Variants in ZNF571 observed in about 807,000 individuals in gnomAD.
The protein encoded by ZNF571 is zinc finger protein 571.
A neutral mutation model predicts 7.7 loss-of-function variants in ZNF571; 4 were observed. The ratio of observed to expected loss-of-function variants is 0.52; its 90% CI spans 0.25 to 1.18. ZNF571 has a LOEUF of 1.18. Among genes scored for constraint, ZNF571 ranks in the 50% most tolerant of loss-of-function variants. The pLI, the probability that ZNF571 is intolerant of heterozygous loss-of-function variation, is 0.14. For synonymous variants in ZNF571, 251 were observed against 232.4 expected, an observed-to-expected ratio of 1.08 and a Z score of -0.73; for missense variants, 704 against 726.9, an observed-to-expected ratio of 0.97 and a Z score of 0.36.
intron 3 of ZNF571, chr19:37,575,376 CAT>C (rs1395957004): frequency 1.3e-5 from 2 of 152,192 alleles, no homozygotes; most frequent in South Asian, 2.1e-4. Flanking sequence ...GGCATACCCA[CAT>C]ATGTCAGATT....
intron 3 of ZNF571, among the ~76,000 whole-genome samples, chr19:37,573,311 A>G (rs2043131737): frequency 6.6e-6 from 1 of 152,198 alleles, no homozygotes; most frequent in Non-Finnish European, 1.5e-5. Flanking sequence ...GTTATACTCA[A>G]GCATTTGAGA....
chr19:37,584,949 G>GTCT (rs1476190707), intron 2 of ZNF571: 24 of 145,436 alleles, frequency 1.7e-4, no homozygotes, highest in Admixed American at 1.3e-3. Flanking sequence ...GGGCCACAGA[G>GTCT]CGAGACTCCG....
At chr19:37,593,466 G>T (rs935176240) in intron 1 of ZNF571, among the ~76,000 whole-genome samples, 1 of 152,198 alleles carries the variant, frequency 6.6e-6, no homozygotes, top group East Asian at 1.9e-4. Flanking sequence ...CACTCTGGGA[G>T]GCCCAGGCGG....
chr19:37,568,293 G>T (rs1442485648), intron 3 of ZNF571, among the ~76,000 whole-genome samples: 1 of 148,564 alleles, frequency 6.7e-6, no homozygotes, highest in Non-Finnish European at 1.5e-5. Context: ...AAAGCAAAAA[G>T]AAATGATAAA....
intron 3 of ZNF571, among the ~76,000 whole-genome samples, chr19:37,577,927 C>T (rs966962034): frequency 6.6e-6 from 1 of 152,138 alleles, no homozygotes; most frequent in Admixed American, 6.5e-5. Context: ...TGTGGGGAAC[C>T]GAACTGCAGA....
rs1032324050 is a variant in ZNF571 at position 37,583,874 on chromosome 19, G to A, written c.136+97C>T. On this transcript the variant is annotated intron_variant, in intron 3 of 3. Transcript: ENST00000451802. Reference sequence around the variant, plus strand: ...TGTCCATTTCTACTTCTACTCAAACGTAAGCCTTTCCTTAGGGAATGGAGA... The same window carrying A: ...TGTCCATTTCTACTTCTACTCAAACATAAGCCTTTCCTTAGGGAATGGAGA... 17 of 1,301,870 alleles carry A rather than the reference G, an allele frequency of 1.3e-5. No homozygotes were observed. The Admixed American group carries it at 1.3e-4, about 10-fold the overall frequency. 80.6% of individuals were successfully genotyped at this position (1,301,870 alleles called of 1,614,324 possible).
At chr19:37,572,002 G>GGAGTAATGT (rs1555717228) in intron 3 of ZNF571, among the ~76,000 whole-genome samples, 29 of 9,814 alleles carry the variant, frequency 3.0e-3, no homozygotes, top group African/African-American at 0.013. Flanking sequence ...TATCCAAATA[G>GGAGTAATGT]ACTATATGGC....
chr19:37,583,251 G>T (rs11083427), intron 3 of ZNF571, among the ~76,000 whole-genome samples: 26,071 of 152,122 alleles, frequency 0.17, 2,492 homozygotes, highest in Middle Eastern at 0.3. Context: ...CTCTCAGTAC[G>T]TATGTGCTGG....
At position 37,565,213 on chromosome 19, in the gene ZNF571, A is replaced by T; in HGVS notation, c.1215T>A (p.Asn405Lys). 6.2e-7 allele frequency: 1 copy of T among 1,612,894 alleles called. No homozygotes were observed. The highest frequency in any genetic ancestry group is 1.1e-5 in the South Asian group (1 of 90,932). The stretch of plus-strand genomic sequence containing the variant: ...TATGAATTCTTTGATGTTGAATAAG[A>T]TTAGAATTAGAAATAAAGGCTTTCC... ...ECGKAFISNSNLIQHQRIHTG... is the reference protein window; with the variant it reads ...ECGKAFISNSKLIQHQRIHTG... The change falls in exon 4 of 4, where the codon AAT becomes AAA. Residue 405 changes from asparagine to lysine, a missense_variant. Transcript: ENST00000451802.
chr19:37,580,089 C>T (rs896182534), intron 3 of ZNF571, among the ~76,000 whole-genome samples: 2 of 152,200 alleles, frequency 1.3e-5, no homozygotes, highest in African/African-American at 4.8e-5. Context: ...ATGTATTTTA[C>T]ACTAGCTACT....
rs2042775085 is a variant in ZNF571 at position 37,564,428 on chromosome 19, A to G, written c.*170T>C. On this transcript the variant is annotated 3_prime_UTR_variant, in exon 4 of 4. Coordinates refer to ENST00000451802, the MANE Select transcript of ZNF571 (RefSeq NM_016536.5). ...AATTCAGCATTATATTCTAGCGTTTATAGAGATGTTAAGGAATTATTTAAG... is the reference window on the plus strand; with the variant it reads ...AATTCAGCATTATATTCTAGCGTTTGTAGAGATGTTAAGGAATTATTTAAG... 2.1e-6 allele frequency: 1 copy of G among 481,272 alleles called. No homozygotes were observed. Among genetic ancestry groups the G allele is most frequent in the Admixed American group, 3.8e-5 (1 of 26,310 alleles). 29.8% of individuals were successfully genotyped at this position (481,272 alleles called of 1,614,324 possible). A position where few individuals can be genotyped will look rare whatever the true frequency, so the allele number is the denominator to read the frequency against.
intron 1 of ZNF571, among the ~76,000 whole-genome samples, chr19:37,589,549 C>A (rs2043802250): frequency 1.3e-5 from 2 of 151,812 alleles, no homozygotes; most frequent in African/African-American, 4.8e-5. Flanking sequence ...AAGAGAAATT[C>A]AAATTGAAAC....
Position 37,581,474 on chromosome 19 carries a change from T to C in ZNF571, c.136+2497A>G, listed in dbSNP as rs551366887. 4.2e-4 allele frequency among the ~76,000 whole-genome samples: 64 copies of C among 151,288 alleles called. 1 individual carries two copies. Among genetic ancestry groups the C allele is most frequent in the Non-Finnish European group, 7.7e-4 (52 of 67,760 alleles). On this transcript the variant is annotated intron_variant, in intron 3 of 3. Coordinates refer to ENST00000451802, the MANE Select transcript of ZNF571 (RefSeq NM_016536.5). Reference sequence around the variant, plus strand: ...CATTTCTTTCTTTCTTTCTTTTTTTTTTTTTTTTGGAGACATGGTCTTGCT... The same window carrying C: ...CATTTCTTTCTTTCTTTCTTTTTTTCTTTTTTTTGGAGACATGGTCTTGCT...
rs1238810586 is a variant in ZNF571 at position 37,565,294 on chromosome 19, A to T, written c.1134T>A (p.Leu378=). The part of the protein sequence containing the change: ...CGKTFFRGSQ[L]TYHLRVHSGE... ...CTGAATGAACTCTCAGGTGGTAAGT[A>T]AGTTGTGAGCCACGAAAAAAGGTCT... The change falls in exon 4 of 4, where the codon CTT becomes CTA. Residue 378 remains leucine (L), a synonymous_variant. Coordinates refer to ENST00000451802, the MANE Select transcript of ZNF571 (RefSeq NM_016536.5). 3 of 1,610,790 alleles carry T rather than the reference A, an allele frequency of 1.9e-6. No individual in the cohort carries two copies. The highest frequency in any genetic ancestry group is 2.7e-5 in the African/African-American group (2 of 74,728).
rs1568339204 is a variant in ZNF571, at chr19:37,564,968, G to A, written c.1460C>T (p.Thr487Ile). 7 of 1,613,798 alleles carry A rather than the reference G, an allele frequency of 4.3e-6. No homozygotes were observed. Among genetic ancestry groups the A allele is most frequent in the Non-Finnish European group, 4.2e-6 (5 of 1,179,866 alleles). The stretch of plus-strand genomic sequence containing the variant: ...AATTCTTTGATGATATGTAAGTTGT[G>A]TAGCACGTACAAAGGTCTTCCCACA... ...KECGKTFVRA[T>I]QLTYHQRIHT... is the part of the protein sequence containing the mutation. The change falls in exon 4 of 4, where the codon ACA (threonine) becomes ATA (isoleucine). Residue 487 changes from threonine (T) to isoleucine (I), a missense_variant. Thr to Ile is a moderately conservative substitution (Grantham distance 89). Transcript: ENST00000451802.
In ZNF571 at chr19:37,569,795, G is replaced by A. The variant is rs982753323; in HGVS notation, c.137-3504C>T. The A allele has an allele frequency of 6.6e-6, 1 of 152,310 alleles. No individual in the cohort carries two copies. The highest frequency in any genetic ancestry group is 2.4e-5 in the African/African-American group (1 of 41,402). 9.4% of individuals were successfully genotyped at this position (152,310 alleles called of 1,614,324 possible). A position where few individuals can be genotyped will look rare whatever the true frequency, so the allele number is the denominator to read the frequency against. ...GTACACTGTTACTTCTGCTAGGAATGCTCTTCCCTCTTCTCTCTATCCTCA... is the reference window on the plus strand; with the variant it reads ...GTACACTGTTACTTCTGCTAGGAATACTCTTCCCTCTTCTCTCTATCCTCA... On this transcript the variant is annotated intron_variant, in intron 3 of 3. Coordinates refer to ENST00000451802, the MANE Select transcript of ZNF571 (RefSeq NM_016536.5). The surrounding 1 kb of genome is among the most constrained non-coding windows in gnomAD (Gnocchi z 4.4).
chr19:37,590,135 G>A (rs555618150), intron 1 of ZNF571, among the ~76,000 whole-genome samples: 43 of 151,924 alleles, frequency 2.8e-4, no homozygotes, highest in East Asian at 2.3e-3. Context: ...CTGGGCATGC[G>A]GTGGCTCATG....
chr19:37,570,851 C>G (rs1330792958), intron 3 of ZNF571, among the ~76,000 whole-genome samples: 2 of 152,112 alleles, frequency 1.3e-5, no homozygotes, highest in Non-Finnish European at 2.9e-5. Flanking sequence ...AAACCCACCC[C>G]TTTATATCCT....
intron 2 of ZNF571, chr19:37,585,340 T>C (rs951695330): frequency 1.3e-5 from 2 of 152,186 alleles, no homozygotes; most frequent in African/African-American, 4.8e-5. Flanking sequence ...ACTTTGTAGA[T>C]TATTCAGTAA....
Sources: gnomAD v4.1 joint callset for allele counts (sites outside exome capture counted in the v4.1 genomes callset) on GRCh38, gnomAD v4.1.1 for gene constraint, Gnocchi (gnomAD v3.1) non-coding constraint, MANE v1.5 for transcripts, NCBI Gene and HGNC (gene_info 2026-07-23, HGNC 2026-07-21) for gene names.